SRGAP3: variants seen among roughly 807,000 people sequenced by gnomAD.
The protein encoded by SRGAP3 is SLIT-ROBO Rho GTPase activating protein 3.
In SRGAP3, 39 loss-of-function variants were observed where a neutral mutation model predicts 121.1. The observed-to-expected ratio is 0.32, with a 90% CI of 0.25 to 0.42. The LOEUF is 0.42. SRGAP3 is among the 10% of genes least tolerant of loss of function. SRGAP3 has a pLI of 1.00. For synonymous variants in SRGAP3, 601 were observed against 570.0 expected (o/e 1.05, Z -0.77); for missense variants, 1,213 against 1,470.6 (o/e 0.82, Z 2.86).
chr3:9,128,126 A>G (rs1314577468), intron 1 of SRGAP3, among the ~76,000 whole-genome samples: 1 of 152,232 alleles, frequency 6.6e-6, no homozygotes, highest in Non-Finnish European at 1.5e-5. Context: ...TCTGCATTTT[A>G]TCAAGATCTC....
At chr3:9,062,003 T>C (rs1946197964) in intron 5 of SRGAP3, among the ~76,000 whole-genome samples, 2 of 152,230 alleles carry the variant, frequency 1.3e-5, no homozygotes, top group African/African-American at 4.8e-5. Context: ...CAGTGAGTTC[T>C]CATCCTTTTA....
At chr3:9,132,462 G>A (rs1229240444) in intron 1 of SRGAP3, among the ~76,000 whole-genome samples, 4 of 152,002 alleles carry the variant, frequency 2.6e-5, no homozygotes, top group African/African-American at 9.7e-5. Flanking sequence ...TCTTCTTACT[G>A]TCTCTATAGT....
chr3:9,222,005 G>A (rs980567477), intron 1 of SRGAP3, among the ~76,000 whole-genome samples: 11 of 152,150 alleles, frequency 7.2e-5, no homozygotes, highest in Non-Finnish European at 1.3e-4. Flanking sequence ...TTTGGAAACC[G>A]CCTGCCCCAT....
chr3:9,213,433 C>G (rs1370082031), intron 1 of SRGAP3, among the ~76,000 whole-genome samples: 1 of 152,190 alleles, frequency 6.6e-6, no homozygotes, highest in African/African-American at 2.4e-5. Flanking sequence ...AGGCATCCTC[C>G]TTTACACCAG....
intron 1 of SRGAP3, among the ~76,000 whole-genome samples, chr3:9,203,884 G>T (rs1952165039): frequency 6.6e-6 from 1 of 152,316 alleles, no homozygotes; most frequent in South Asian, 2.1e-4. Flanking sequence ...TTGTAGAGTA[G>T]GCAGGGCAGG....
intron 14 of SRGAP3, 91 bp from the exon 15 acceptor site, chr3:9,015,822 G>A (rs1051981338): frequency 6.3e-5 from 96 of 1,523,846 alleles, no homozygotes; most frequent in Non-Finnish European, 7.8e-5. Context: ...GGTCCAGCCT[G>A]AACCACAGGA....
At chr3:9,177,198 C>T (rs935645595) in intron 1 of SRGAP3, among the ~76,000 whole-genome samples, 3 of 152,178 alleles carry the variant, frequency 2.0e-5, no homozygotes, top group Admixed American at 2.0e-4. Context: ...GTGATGTGGA[C>T]ACAAAAGGAA....
chr3:9,174,749 AGG>A (rs1189862065), intron 1 of SRGAP3, among the ~76,000 whole-genome samples: 2 of 152,204 alleles, frequency 1.3e-5, no homozygotes, highest in Non-Finnish European at 2.9e-5. Context: ...CTTCTCCTCC[AGG>A]GGGACTCCCA....
At chr3:9,352,084 G>A (rs1457958453) in intron 1 of SRGAP3, among the ~76,000 whole-genome samples, 1 of 151,996 alleles carries the variant, frequency 6.6e-6, no homozygotes, top group Non-Finnish European at 1.5e-5. Flanking sequence ...CCATCTAATC[G>A]ACACTCTGTT....
chr3:9,019,869 A>G (rs1026588039), intron 14 of SRGAP3, among the ~76,000 whole-genome samples: 2 of 152,198 alleles, frequency 1.3e-5, no homozygotes, highest in African/African-American at 2.4e-5. Flanking sequence ...AAATAGGTCA[A>G]TCTCTCAAAT....
intron 18 of SRGAP3, among the ~76,000 whole-genome samples, chr3:9,006,650 T>G (rs1943098247): frequency 6.6e-6 from 1 of 152,142 alleles, no homozygotes; most frequent in Non-Finnish European, 1.5e-5. Context: ...CTCAAAAATT[T>G]CAGGAAAATA....
At chr3:9,176,948 C>T (rs922338219) in intron 1 of SRGAP3, among the ~76,000 whole-genome samples, 3 of 152,178 alleles carry the variant, frequency 2.0e-5, no homozygotes, top group Non-Finnish European at 4.4e-5. Flanking sequence ...AAGACAGAAA[C>T]CTAAGTCAAT....
At chr3:9,353,921 A>AT (rs1435254753) in intron 1 of SRGAP3, among the ~76,000 whole-genome samples, 1 of 152,134 alleles carries the variant, frequency 6.6e-6, no homozygotes, top group East Asian at 1.9e-4. Flanking sequence ...AACAAAATAG[A>AT]TTGGGGAGTA....
At chr3:9,276,699 A>C (rs1574965312) in intron 3 of SRGAP3, among the ~76,000 whole-genome samples, 1 of 152,212 alleles carries the variant, frequency 6.6e-6, no homozygotes, top group African/African-American at 2.4e-5. Flanking sequence ...TGCTAGAATT[A>C]CAGGCGTAAG....
chr3:9,071,972 C>T (rs1328781300), intron 4 of SRGAP3, among the ~76,000 whole-genome samples: 1 of 152,168 alleles, frequency 6.6e-6, no homozygotes, highest in Non-Finnish European at 1.5e-5. Flanking sequence ...TCCAGTTAGA[C>T]CTGAGCTACA....
intron 16 of SRGAP3, 75 bp from the exon 17 acceptor site, chr3:9,013,610 A>G (rs1574907852): frequency 7.7e-6 from 12 of 1,565,320 alleles, no homozygotes; most frequent in Non-Finnish European, 9.6e-6. Flanking sequence ...CTTTTGGGGG[A>G]CCCTATTCAA....
At chr3:9,258,641 T>C (rs1293184812) in intron 3 of SRGAP3, among the ~76,000 whole-genome samples, 1 of 152,226 alleles carries the variant, frequency 6.6e-6, no homozygotes. Context: ...GGCGACTTTA[T>C]AGACACTAGC....
intron 3 of SRGAP3, among the ~76,000 whole-genome samples, chr3:9,083,022 C>A (rs1947312094): frequency 6.6e-6 from 1 of 152,190 alleles, no homozygotes; most frequent in African/African-American, 2.4e-5. Context: ...TCACTGGGGA[C>A]CTTCAACAGT....
intron 2 of SRGAP3, among the ~76,000 whole-genome samples, chr3:9,114,314 T>C (rs1335046746): frequency 6.6e-6 from 1 of 152,216 alleles, no homozygotes; most frequent in Admixed American, 6.5e-5. Context: ...ATAGTACTTT[T>C]TATTGTCATT....
Sources: allele counts gnomAD v4.1 joint callset (sites outside exome capture counted in the v4.1 genomes callset), GRCh38; gene constraint gnomAD v4.1.1; transcripts MANE v1.5; gene names NCBI Gene and HGNC (gene_info 2026-07-23, HGNC 2026-07-21).